AHDC1: variants seen among roughly 807,000 people sequenced by gnomAD.
AHDC1 encodes the protein transcription factor Gibbin.
AHDC1 carries 7 observed loss-of-function variants against 87.9 expected under a neutral mutation model. The ratio of observed to expected loss-of-function variants is 0.08; its 90% confidence interval spans 0.05 to 0.15. AHDC1 has a LOEUF of 0.15. AHDC1 is among the 10% of genes least tolerant of loss of function. The pLI is 1.00. For synonymous variants in AHDC1, 1,051 were observed against 1,006.8 expected, an observed-to-expected ratio of 1.04 and a Z score of -0.83; for missense variants, 1,841 against 2,253.2, an observed-to-expected ratio of 0.82 and a Z score of 3.70.
At chr1:27,602,673 TTCAA>T (rs1440144108) in intron 3 of AHDC1, among the ~76,000 whole-genome samples, 2 of 152,150 alleles carry the variant, frequency 1.3e-5, no homozygotes, top group African/African-American at 2.4e-5. Context: ...AGGGGGCCGA[TTCAA>T]TCAGAGCCCC....
intron 8 of AHDC1, among the ~76,000 whole-genome samples, chr1:27,543,316 A>C (rs570908822): frequency 6.6e-6 from 1 of 152,308 alleles, no homozygotes; most frequent in Non-Finnish European, 1.5e-5. Context: ...ACGTGGAGCC[A>C]GTCTGTCTGG....
At chr1:27,575,894 A>C (rs1298648193) in intron 3 of AHDC1, among the ~76,000 whole-genome samples, 2 of 13,654 alleles carry the variant, frequency 1.5e-4, no homozygotes, top group Admixed American at 8.2e-4. Flanking sequence ...GCTGAATGGG[A>C]GGGGGGGCGG....
chr1:27,566,579 AG>A (rs1571281457), intron 3 of AHDC1, among the ~76,000 whole-genome samples: 1 of 145,878 alleles, frequency 6.9e-6, no homozygotes, highest in Admixed American at 6.9e-5. Context: ...CGACAGTCGG[AG>A]GGTGAGACAC....
Position 27,549,232 on chromosome 1 carries a change from G to A in AHDC1, c.2884C>T (p.Pro962Ser), listed in dbSNP as rs775424751. 3.1e-6 allele frequency: 5 copies of A among 1,604,690 alleles called. No homozygotes were observed. ...TGGGGCAGGTAGGTGTTGGCAGGCG[G>A]GTGGGTGGTAGGTGAGCGGGCCATG... Reference protein sequence around the residue: ...SAMARSPTTHPPANTYLPQYG... With the variant: ...SAMARSPTTHSPANTYLPQYG... The change falls in exon 8 of 9, where the codon CCG (proline) becomes TCG (serine). Residue 962 changes from proline (P) to serine (S), a missense_variant. Transcript: ENST00000673934.
At chr1:27,573,914 C>T (rs1348128403) in intron 3 of AHDC1, among the ~76,000 whole-genome samples, 4 of 152,222 alleles carry the variant, frequency 2.6e-5, no homozygotes, top group African/African-American at 9.7e-5. Context: ...ACAAATGGGG[C>T]CTTGAGCTCC....
chr1:27,557,628 C>T (rs1016378210), intron 5 of AHDC1, among the ~76,000 whole-genome samples: 5 of 152,224 alleles, frequency 3.3e-5, no homozygotes, highest in African/African-American at 1.2e-4. Context: ...CACACTTAGC[C>T]AGTGTACACA....
At chr1:27,535,007 C>T (rs1249119669) in intron 8 of AHDC1, 91 bp from the exon 9 acceptor site, 1 of 152,212 alleles carries the variant, frequency 6.6e-6, no homozygotes, top group Non-Finnish European at 1.5e-5. Context: ...GACCCCCACC[C>T]AGCTCCTCCC....
chr1:27,535,830 T>C (rs1221937040), intron 8 of AHDC1, among the ~76,000 whole-genome samples: 5 of 152,106 alleles, frequency 3.3e-5, no homozygotes, highest in African/African-American at 9.7e-5. Context: ...GGGATCTGAC[T>C]TCCCTACCCA....
chr1:27,578,821 C>T (rs559999962), intron 3 of AHDC1, among the ~76,000 whole-genome samples: 8 of 151,576 alleles, frequency 5.3e-5, no homozygotes, highest in East Asian at 4.0e-4. Flanking sequence ...CTCAGACTCC[C>T]GAGTAGCTGG....
At chr1:27,603,645 C>T (rs1256548906) in intron 2 of AHDC1, 83 bp downstream of exon 2, 2 of 148,962 alleles carry the variant, frequency 1.3e-5, no homozygotes, top group East Asian at 4.1e-4. Context: ...CCTTCGCTCT[C>T]TCTGCGCCCC....
At chr1:27,575,763 C>T (rs1163670607) in intron 3 of AHDC1, among the ~76,000 whole-genome samples, 1 of 151,812 alleles carries the variant, frequency 6.6e-6, no homozygotes, top group Non-Finnish European at 1.5e-5. Context: ...CGCCCCGGGC[C>T]CGGCGGAATG....
At chr1:27,602,212 C>T (rs1557716359) in intron 3 of AHDC1, among the ~76,000 whole-genome samples, 1 of 152,156 alleles carries the variant, frequency 6.6e-6, no homozygotes, top group South Asian at 2.1e-4. Flanking sequence ...GACTCCCCAC[C>T]CCTCCACATC....
chr1:27,580,751 A>T (rs1203535543), intron 3 of AHDC1, among the ~76,000 whole-genome samples: 1 of 152,202 alleles, frequency 6.6e-6, no homozygotes, highest in Non-Finnish European at 1.5e-5. Context: ...GCTAGCTGCT[A>T]TTTTTATTAC....
chr1:27,560,025 G>C lies in AHDC1; in HGVS notation c.-628-1142C>G, dbSNP rs1255996561. On this transcript the variant is annotated intron_variant, in intron 3 of 8. Coordinates refer to ENST00000673934, the MANE Select transcript of AHDC1 (RefSeq NM_001371928.1). The surrounding 1 kb of genome is among the most constrained non-coding windows in gnomAD (Gnocchi z 4.1). Reference sequence around the variant, plus strand: ...TCTCTGTATTTCTGTACGTCTGTGTGGGTACATGTGGGCTTAAGCGTGTCC... The same window carrying C: ...TCTCTGTATTTCTGTACGTCTGTGTCGGTACATGTGGGCTTAAGCGTGTCC... Among the ~76,000 whole-genome samples, 4 of 152,200 alleles carry C rather than the reference G, an allele frequency of 2.6e-5. No individual in the cohort carries two copies. The highest frequency in any genetic ancestry group is 4.8e-5 in the African/African-American group (2 of 41,438).
intron 3 of AHDC1, among the ~76,000 whole-genome samples, chr1:27,602,467 C>T (rs1486195060): frequency 6.6e-6 from 1 of 152,184 alleles, no homozygotes; most frequent in Admixed American, 6.5e-5. Context: ...GGGTTGCTGT[C>T]CCTTTTCCTG....
At position 27,551,562 on chromosome 1, in the gene AHDC1, G is replaced by A. The variant is rs745407805; in HGVS notation, c.554C>T (p.Thr185Ile). 3 of 1,608,726 alleles carry A rather than the reference G, an allele frequency of 1.9e-6. No homozygotes were observed. Among genetic ancestry groups the A allele is most frequent in the Admixed American group, 1.7e-5 (1 of 59,894 alleles). The change falls in exon 8 of 9, where the codon ACC (threonine) becomes ATC (isoleucine). Residue 185 changes from threonine (T) to isoleucine (I), a missense_variant. This residue lies in a region of AHDC1 where 370 missense variants were observed against 391.5 expected (regional missense o/e 0.95). Transcript: ENST00000673934. ...NSIRSPEERA[T>I]PHAKSERPSH... Reference sequence around the variant, plus strand: ...GGGCCGCTCCGACTTGGCGTGTGGGGTGGCCCGCTCCTCAGGGCTACGGAT... The same window carrying A: ...GGGCCGCTCCGACTTGGCGTGTGGGATGGCCCGCTCCTCAGGGCTACGGAT...
chr1:27,589,470 T>G (rs2089161767), intron 3 of AHDC1, among the ~76,000 whole-genome samples: 1 of 152,166 alleles, frequency 6.6e-6, no homozygotes, highest in Non-Finnish European at 1.5e-5. Context: ...ACTCCATGCA[T>G]GTCTAAGTAC....
chr1:27,538,400 CA>C (rs370786800), intron 8 of AHDC1, among the ~76,000 whole-genome samples: 126 of 60,708 alleles, frequency 2.1e-3, no homozygotes, highest in South Asian at 4.1e-3. Context: ...AAGACTGTCT[CA>C]AAAAAAAAAA....
rs761908702 is a variant in AHDC1, at chr1:27,598,004, C to G, written c.-629+5393G>C. Among the ~76,000 whole-genome samples, 1 of 152,188 alleles carries G rather than the reference C, an allele frequency of 6.6e-6. No homozygotes were observed. The highest frequency in any genetic ancestry group is 1.5e-5 in the Non-Finnish European group (1 of 68,046). On this transcript the variant is annotated intron_variant, in intron 3 of 8. Coordinates refer to ENST00000673934, the MANE Select transcript of AHDC1 (RefSeq NM_001371928.1). The surrounding 1 kb of genome is among the most constrained non-coding windows in gnomAD (Gnocchi z 4.2). The stretch of plus-strand genomic sequence containing the variant: ...TCTCCGTCTGTCTGTGTGTGGGTGT[C>G]TCTGTCCATCTGTTTCACCACCCAT...
Sources: allele counts gnomAD v4.1 joint callset (sites outside exome capture counted in the v4.1 genomes callset), GRCh38; gene constraint gnomAD v4.1.1; regional missense constraint gnomAD v4.1.1; non-coding constraint Gnocchi (gnomAD v3.1); transcripts MANE v1.5; gene names NCBI Gene and HGNC (gene_info 2026-07-23, HGNC 2026-07-21).